PTK2: variants seen among roughly 807,000 people sequenced by gnomAD.
The protein encoded by PTK2 is protein tyrosine kinase 2.
A neutral mutation model predicts 150.1 loss-of-function variants in PTK2; 45 were observed. That is an observed-to-expected ratio of 0.30 (90% CI 0.24 to 0.38). PTK2 has a LOEUF of 0.38. PTK2 is among the 10% of genes least tolerant of loss of function. The pLI is 1.00. For synonymous variants in PTK2, 432 were observed against 449.2 expected (o/e 0.96, Z 0.48); for missense variants, 919 against 1,307.3 (o/e 0.70, Z 4.58).
rs570830870 is a variant in PTK2, at chr8:140,858,088, T to TA, written c.450+6223dup. ...GGCCATACAAAGTGGCCTGGCAATTTAAAAAACTTTTTTTAAATCATAAGC... is the reference window on the plus strand; with the variant it reads ...GGCCATACAAAGTGGCCTGGCAATTTAAAAAAACTTTTTTTAAATCATAAGC... On this transcript the variant is annotated intron_variant, in intron 5 of 31. Transcript: ENST00000522684. Among the ~76,000 whole-genome samples, 279 of 152,230 alleles carry TA rather than the reference T, an allele frequency of 1.8e-3. 1 individual carries two copies. Among genetic ancestry groups the TA allele is most frequent in the African/African-American group, 6.2e-3 (258 of 41,544 alleles).
At chr8:140,845,235 G>A (rs1257696019) in intron 7 of PTK2, among the ~76,000 whole-genome samples, 4 of 152,018 alleles carry the variant, frequency 2.6e-5, no homozygotes, top group Admixed American at 6.6e-5. Context: ...ATGAGTCAGC[G>A]ATGATCAAAG....
intron 1 of PTK2, among the ~76,000 whole-genome samples, chr8:140,957,709 T>C (rs1288689098): frequency 6.6e-6 from 1 of 152,180 alleles, no homozygotes. Context: ...GTACCTTTTC[T>C]ATGTTTAGAT....
At chr8:140,936,083 G>A (rs1403133010) in intron 1 of PTK2, among the ~76,000 whole-genome samples, 1 of 152,126 alleles carries the variant, frequency 6.6e-6, no homozygotes, top group African/African-American at 2.4e-5. Flanking sequence ...GGCTGAGACA[G>A]GAGGATTGCT....
chr8:140,698,879 T>C (rs1354042525), intron 26 of PTK2, among the ~76,000 whole-genome samples: 1 of 151,484 alleles, frequency 6.6e-6, no homozygotes, highest in Non-Finnish European at 1.5e-5. Context: ...CCTCCCGAAG[T>C]GCTGGGATTA....
chr8:140,773,472 T>G (rs1373912521), intron 14 of PTK2, among the ~76,000 whole-genome samples: 2 of 152,158 alleles, frequency 1.3e-5, no homozygotes, highest in Non-Finnish European at 2.9e-5. Flanking sequence ...ATTTTAAATA[T>G]GGTGATTATG....
intron 1 of PTK2, chr8:140,927,284 T>C (rs1053330648): frequency 2.0e-5 from 3 of 152,214 alleles, no homozygotes; most frequent in African/African-American, 7.2e-5. Context: ...ATGCAACTTA[T>C]TTCATCACCA....
chr8:140,720,777 G>A (rs1005947871), intron 22 of PTK2, among the ~76,000 whole-genome samples: 13 of 152,074 alleles, frequency 8.5e-5, no homozygotes, highest in African/African-American at 2.2e-4. Context: ...TTTTTGGGGC[G>A]GAGTCTTGCT....
At chr8:140,920,825 C>T in intron 2 of PTK2, 1 of 1,518,850 alleles carries the variant, frequency 6.6e-7, no homozygotes, top group East Asian at 2.6e-5. Context: ...TTTAGCCCAA[C>T]ACACTGGAAA....
chr8:140,970,106 C>T (rs2100186721), intron 1 of PTK2, among the ~76,000 whole-genome samples: 1 of 152,270 alleles, frequency 6.6e-6, no homozygotes, highest in Non-Finnish European at 1.5e-5. Flanking sequence ...GAACCATCCA[C>T]TTCAACCACA....
At chr8:140,873,113 C>T (rs1445130393) in intron 4 of PTK2, among the ~76,000 whole-genome samples, 1 of 152,186 alleles carries the variant, frequency 6.6e-6, no homozygotes, top group Admixed American at 6.5e-5. Context: ...GAGCTAGAGT[C>T]TCTGAAAGAG....
chr8:140,694,047 T>C lies in PTK2; in HGVS notation c.2499+6844A>G, dbSNP rs371704005. ...ATCTTTTTTTCTTTTCTTTTCTTTT[T>C]TTTTTTTTTTTGAGATGGAGTCTCG... On this transcript the variant is annotated intron_variant, in intron 26 of 31. Transcript: ENST00000522684. Among the ~76,000 whole-genome samples the C allele has an allele frequency of 5.3e-3, 776 of 146,050 alleles. 3 individuals carry two copies. Among genetic ancestry groups the C allele is most frequent in the African/African-American group, 0.019 (716 of 37,448 alleles).
intron 2 of PTK2, among the ~76,000 whole-genome samples, chr8:140,903,028 G>A (rs2100159400): frequency 7.7e-6 from 1 of 129,318 alleles, no homozygotes; most frequent in East Asian, 2.4e-4. Flanking sequence ...CATTGCTTCT[G>A]TTGTTTTAGT....
At chr8:140,690,211 C>T (rs1056115861) in intron 26 of PTK2, among the ~76,000 whole-genome samples, 3 of 152,168 alleles carry the variant, frequency 2.0e-5, no homozygotes, top group African/African-American at 7.2e-5. Context: ...CTCGGCCTCC[C>T]AAAGTGCTGG....
rs112767226 is a variant in PTK2 at position 140,719,856 on chromosome 8, A to G, written c.2031-2147T>C. Among the ~76,000 whole-genome samples, 569 of 141,472 alleles carry G rather than the reference A, an allele frequency of 4.0e-3. 8 individuals are homozygous for G. The highest frequency in any genetic ancestry group is 0.015 in the African/African-American group (540 of 35,618). The allele number at this position is 141,472 out of a possible 152,430, so 92.8% of individuals were successfully genotyped here. ...AGCCAAGATAGCACCACTGCACTCC[A>G]GCCTGGGTGACAGAGTGAGACTTGT... On this transcript the variant is annotated intron_variant, in intron 22 of 31. Coordinates refer to ENST00000522684, the Ensembl canonical transcript of PTK2.
chr8:140,793,431 T>G, intron 12 of PTK2, 47 bp from the exon 13 acceptor site: 1 of 1,590,442 alleles, frequency 6.3e-7, no homozygotes, highest in Non-Finnish European at 8.5e-7. Flanking sequence ...TTCACTCCTT[T>G]TGAAAAGATG....
intron 6 of PTK2, 51 bp from the exon 7 acceptor site, chr8:140,846,373 G>A (rs1166818909): frequency 1.3e-6 from 2 of 1,553,392 alleles, no homozygotes; most frequent in Admixed American, 1.8e-5. Context: ...GAATGTTTGT[G>A]TTGTTAAGTG....
intron 2 of PTK2, among the ~76,000 whole-genome samples, chr8:140,902,829 C>T (rs1057289259): frequency 5.5e-5 from 8 of 145,552 alleles, no homozygotes; most frequent in Non-Finnish European, 3.0e-5. Flanking sequence ...AATTTAAGTT[C>T]TTTGAAGATT....
chr8:140,744,271 A>C (rs2100057446), intron 19 of PTK2, among the ~76,000 whole-genome samples: 1 of 152,142 alleles, frequency 6.6e-6, no homozygotes, highest in African/African-American at 2.4e-5. Context: ...GGAGAGTTCC[A>C]GGACAATATT....
intron 22 of PTK2, among the ~76,000 whole-genome samples, chr8:140,731,264 G>A (rs1048324017): frequency 1.3e-5 from 2 of 151,998 alleles, no homozygotes; most frequent in Non-Finnish European, 2.9e-5. Flanking sequence ...CCGGCTAAAT[G>A]ATTTTTCACT....
Sources: gnomAD v4.1 joint callset for allele counts (sites outside exome capture counted in the v4.1 genomes callset) on GRCh38, gnomAD v4.1.1 for gene constraint, MANE v1.5 for transcripts, NCBI Gene and HGNC (gene_info 2026-07-23, HGNC 2026-07-21) for gene names.